Variants in KLF12 observed in about 807,000 individuals in gnomAD.
KLF12 encodes KLF transcription factor 12, also known as Krueppel-like factor 12.
Under a neutral mutation model 37.8 loss-of-function variants are expected in KLF12, and 9 were observed. The ratio of observed to expected loss-of-function variants is 0.24; its 90% CI spans 0.14 to 0.42. The LOEUF (loss-of-function observed/expected upper bound fraction) is 0.42, where lower values mean the gene tolerates loss of function less well. Ranked by LOEUF, KLF12 falls within the 10% of genes least tolerant of loss-of-function variation. The pLI is 1.00. For synonymous variants in KLF12, 208 were observed against 202.1 expected (o/e 1.03, Z -0.25); for missense variants, 411 against 516.0 (o/e 0.80, Z 1.97).
intron 1 of KLF12, among the ~76,000 whole-genome samples, chr13:74,102,597 T>C (rs1876418882): frequency 6.6e-6 from 1 of 151,962 alleles, no homozygotes; most frequent in South Asian, 2.1e-4. Context: ...CTCAGGAGGC[T>C]GAGGCAGGAG....
intron 1 of KLF12, among the ~76,000 whole-genome samples, chr13:74,033,772 CATAATT>C (rs1893174381): frequency 6.6e-6 from 1 of 152,054 alleles, no homozygotes; most frequent in African/African-American, 2.4e-5. Context: ...TACACATACT[CATAATT>C]ATATTTTTGG....
At chr13:74,174,599 G>A in the KLF12 span, among the ~76,000 whole-genome samples, 1 of 151,982 alleles carries the variant, frequency 6.6e-6, no homozygotes, top group Admixed American at 6.6e-5. Context: ...ATTCACTGAT[G>A]TTCCTGCCAC....
chr13:73,909,621 T>C (rs189139994), intron 3 of KLF12, among the ~76,000 whole-genome samples: 1 of 152,334 alleles, frequency 6.6e-6, no homozygotes, highest in Non-Finnish European at 1.5e-5. Flanking sequence ...AGACATAGCA[T>C]TTCCAGCACA....
intron 1 of KLF12, among the ~76,000 whole-genome samples, chr13:74,084,679 A>AT (rs1477596791): frequency 6.6e-6 from 1 of 152,186 alleles, no homozygotes; most frequent in Non-Finnish European, 1.5e-5. Flanking sequence ...TTAGGGCTGT[A>AT]TTTAAATAGA....
upstream of KLF12, among the ~76,000 whole-genome samples, chr13:74,136,766 A>C (rs1045718471): frequency 6.9e-6 from 1 of 145,824 alleles, no homozygotes; most frequent in Non-Finnish European, 1.5e-5. Flanking sequence ...TAGAGTCTGG[A>C]TACCCTGTGT....
Position 73,980,516 on chromosome 13 carries a change from C to A in KLF12, c.33+14474G>T, listed in dbSNP as rs531169498. Among the ~76,000 whole-genome samples the A allele has an allele frequency of 5.3e-5, 8 of 152,152 alleles. No individual in the cohort carries two copies. The South Asian group carries it at 1.5e-3, about 28-fold the overall frequency. On this transcript the variant is annotated intron_variant, in intron 2 of 7. Transcript: ENST00000377669. ...GAAGTTGAATAGAAAAAGCATTAAA[C>A]ATATTTATAAATTCAACAAAACTAA... is the stretch of plus-strand genomic sequence containing the variant.
Position 73,846,299 on chromosome 13 carries a change from C to G in KLF12, c.198G>C (p.Pro66=), listed in dbSNP as rs750790792. 2.5e-6 allele frequency: 4 copies of G among 1,613,848 alleles called. No individual in the cohort carries two copies. The African/African-American group carries it at 4.0e-5, about 16-fold the overall frequency. The change falls in exon 4 of 8, where the codon CCG becomes CCC. Residue 66 remains proline, a synonymous_variant. Coordinates refer to ENST00000377669, the MANE Select transcript of KLF12 (RefSeq NM_007249.5). ...AGTGATCTACAGATAACGAGTCCTC[C>G]GGGGGCTCCCCTTTCACATTATTTA...
intron 1 of KLF12, among the ~76,000 whole-genome samples, chr13:74,130,463 T>C (rs1201228572): frequency 6.6e-6 from 1 of 152,142 alleles, no homozygotes; most frequent in East Asian, 1.9e-4. Flanking sequence ...ATTCAGGATC[T>C]AGCCTGGACA....
chr13:73,931,458 T>C (rs1473610458), intron 3 of KLF12, among the ~76,000 whole-genome samples: 2 of 152,112 alleles, frequency 1.3e-5, no homozygotes, highest in Non-Finnish European at 2.9e-5. Flanking sequence ...AAATCTCTAT[T>C]TATATATATT....
chr13:74,243,314 A>G, the KLF12 span, among the ~76,000 whole-genome samples: 19 of 152,086 alleles, frequency 1.2e-4, no homozygotes, highest in Non-Finnish European at 1.8e-4. Context: ...ATAGTATTCC[A>G]TGGTGTATAT....
At chr13:74,123,557 T>C (rs1434143387) in intron 1 of KLF12, among the ~76,000 whole-genome samples, 1 of 152,214 alleles carries the variant, frequency 6.6e-6, no homozygotes, top group African/African-American at 2.4e-5. Flanking sequence ...GTAAATGCCC[T>C]AACTTTCTTC....
At chr13:73,862,090 G>C (rs534808561) in intron 3 of KLF12, among the ~76,000 whole-genome samples, 2 of 144,738 alleles carry the variant, frequency 1.4e-5, no homozygotes, top group Admixed American at 6.9e-5. Flanking sequence ...AAAGGGTATT[G>C]AGGTTAAGTT....
chr13:73,753,428 A>G (rs867515662), intron 6 of KLF12, among the ~76,000 whole-genome samples: 1 of 152,130 alleles, frequency 6.6e-6, no homozygotes, highest in Non-Finnish European at 1.5e-5. Context: ...CTTTCTAGTC[A>G]TCTCCAATCA....
chr13:74,295,224 C>T, the KLF12 span, among the ~76,000 whole-genome samples: 10 of 152,070 alleles, frequency 6.6e-5, no homozygotes, highest in Admixed American at 1.3e-4. Context: ...ATTACTCCTC[C>T]CTCTTCCTTT....
intron 1 of KLF12, among the ~76,000 whole-genome samples, chr13:74,065,915 G>C (rs1873887970): frequency 6.6e-6 from 1 of 152,042 alleles, no homozygotes; most frequent in African/African-American, 2.4e-5. Flanking sequence ...GGAGCAAGCA[G>C]TAGACAGAGA....
At chr13:74,101,725 T>C (rs1360506459) in intron 1 of KLF12, among the ~76,000 whole-genome samples, 2 of 152,058 alleles carry the variant, frequency 1.3e-5, no homozygotes, top group Non-Finnish European at 2.9e-5. Context: ...AGCATCAAAA[T>C]AGAGACAGTA....
intron 3 of KLF12, among the ~76,000 whole-genome samples, chr13:73,889,857 T>C (rs896409591): frequency 1.3e-5 from 2 of 152,110 alleles, no homozygotes; most frequent in African/African-American, 4.8e-5. Flanking sequence ...ACCATGCTTT[T>C]CCAAACAGTA....
Position 73,908,370 on chromosome 13 carries a change from C to A in KLF12, c.123+35611G>T, listed in dbSNP as rs559701205. Among the ~76,000 whole-genome samples the A allele has an allele frequency of 2.1e-3, 309 of 146,774 alleles. 1 individual carries two copies. The highest frequency in any genetic ancestry group is 3.0e-3 in the Non-Finnish European group (200 of 66,692). The stretch of plus-strand genomic sequence containing the variant: ...TGAGCCGAGACTGAACCACTGCACT[C>A]CAGCCTGGGTGACAGAGCGAGACTC... On this transcript the variant is annotated intron_variant, in intron 3 of 7. Coordinates refer to ENST00000377669, the MANE Select transcript of KLF12 (RefSeq NM_007249.5).
chr13:73,718,089 A>G (rs1272069090), intron 6 of KLF12, among the ~76,000 whole-genome samples: 2 of 152,224 alleles, frequency 1.3e-5, no homozygotes, highest in Non-Finnish European at 2.9e-5. Flanking sequence ...GTTTTGTGTA[A>G]TATTTTCCAC....
Sources: gnomAD v4.1 joint callset for allele counts (sites outside exome capture counted in the v4.1 genomes callset) on GRCh38, gnomAD v4.1.1 for gene constraint, MANE v1.5 for transcripts, NCBI Gene and HGNC (gene_info 2026-07-23, HGNC 2026-07-21) for gene names.